SMIM17: variants seen among roughly 807,000 people sequenced by gnomAD.
The protein encoded by SMIM17 is small integral membrane protein 17.
A neutral mutation model predicts 12.2 loss-of-function variants in SMIM17; 10 were observed. The observed-to-expected ratio is 0.82, with a 90% CI of 0.50 to 1.39. The LOEUF (loss-of-function observed/expected upper bound fraction) is 1.39, where lower values mean the gene tolerates loss of function less well. Among genes scored for constraint, SMIM17 ranks in the 40% most tolerant of loss-of-function variants. The pLI, the probability that SMIM17 is intolerant of heterozygous loss-of-function variation, is 0.00. For synonymous variants in SMIM17, 50 were observed against 44.1 expected, an observed-to-expected ratio of 1.13 and a Z score of -0.53; for missense variants, 136 against 118.2, an observed-to-expected ratio of 1.15 and a Z score of -0.70.
At chr19:56,647,501 C>T in intron 2 of SMIM17, 57 bp from the exon 3 acceptor site, 3 of 1,333,698 alleles carry the variant, frequency 2.2e-6, no homozygotes, top group Non-Finnish European at 3.1e-6. Flanking sequence ...GAGCCCACTC[C>T]TGCCATCTGG....
In SMIM17 at chr19:56,656,233, C is replaced by T. The variant is rs891098041; in HGVS notation, c.*1020C>T. On this transcript the variant is annotated 3_prime_UTR_variant, in exon 4 of 4. Transcript: ENST00000598409. ...TGCTGGGATTACAGATGTGAGCCAC[C>T]GTGCCCAGCCCAGAGTTCTTTTATC... 1.3e-5 allele frequency among the ~76,000 whole-genome samples: 2 copies of T among 152,024 alleles called. No homozygotes were observed. The highest frequency in any genetic ancestry group is 2.9e-5 in the Non-Finnish European group (2 of 67,994).
chr19:56,644,032 G>A (rs1600614398), intron 1 of SMIM17, among the ~76,000 whole-genome samples: 1 of 151,882 alleles, frequency 6.6e-6, no homozygotes, highest in African/African-American at 2.4e-5. Context: ...CCATACCTCT[G>A]TCTCATCCCC....
At chr19:56,652,271 G>T (rs2045115189) in intron 3 of SMIM17, among the ~76,000 whole-genome samples, 1 of 152,118 alleles carries the variant, frequency 6.6e-6, no homozygotes, top group South Asian at 2.1e-4. Context: ...GCTGGAGAGG[G>T]GAGGAGAGGG....
At position 56,645,583 on chromosome 19, in the gene SMIM17, T is replaced by C. The variant is rs1036086552; in HGVS notation, c.-85T>C. 1 of 1,306,066 alleles carries C rather than the reference T, an allele frequency of 7.7e-7. No homozygotes were observed. Among genetic ancestry groups the C allele is most frequent in the African/African-American group, 1.5e-5 (1 of 66,444 alleles). 80.9% of individuals were successfully genotyped at this position (1,306,066 alleles called of 1,614,324 possible). A position where few individuals can be genotyped will look rare whatever the true frequency, so the allele number is the denominator to read the frequency against. ...TGTCCATCAGTCCTCAGGTTCTGAA[T>C]CTTGTGCCTGGAGAACCAGAGAGGA... On this transcript the variant is annotated 5_prime_UTR_variant, in exon 2 of 4. Coordinates refer to ENST00000598409, the MANE Select transcript of SMIM17 (RefSeq NM_001193628.2).
intron 3 of SMIM17, among the ~76,000 whole-genome samples, chr19:56,652,945 A>G (rs2045120981): frequency 6.6e-6 from 1 of 152,202 alleles, no homozygotes; most frequent in South Asian, 2.1e-4. Context: ...TAGGTGAGGC[A>G]TCCATGGGTC....
At chr19:56,651,466 T>G (rs1004213624) in intron 3 of SMIM17, among the ~76,000 whole-genome samples, 7 of 152,126 alleles carry the variant, frequency 4.6e-5, no homozygotes, top group Non-Finnish European at 1.0e-4. Flanking sequence ...TCCCAGTCTG[T>G]GGGCACAGAA....
chr19:56,648,057 CCA>C, intron 3 of SMIM17, among the ~76,000 whole-genome samples: 1 of 63,830 alleles, frequency 1.6e-5, no homozygotes, highest in Non-Finnish European at 3.4e-5. Flanking sequence ...CCCATTCCAT[CCA>C]TCCATCCATC....
At chr19:56,648,135 CAT>C (rs2045080346) in intron 3 of SMIM17, among the ~76,000 whole-genome samples, 2 of 6,842 alleles carry the variant, frequency 2.9e-4, no homozygotes, top group African/African-American at 3.8e-3. Context: ...TCCACTTATC[CAT>C]CCATCCATCC....
intron 3 of SMIM17, among the ~76,000 whole-genome samples, chr19:56,651,366 C>T (rs1450343564): frequency 6.6e-6 from 1 of 152,152 alleles, no homozygotes; most frequent in African/African-American, 2.4e-5. Context: ...CTCTCTCTCC[C>T]TGTTCTCCTA....
chr19:56,647,083 G>A (rs1341644038), intron 2 of SMIM17, among the ~76,000 whole-genome samples: 2 of 152,270 alleles, frequency 1.3e-5, no homozygotes, highest in East Asian at 3.9e-4. Context: ...TGACTATGGG[G>A]ACATGTCCCC....
At chr19:56,652,688 A>G (rs2045119183) in intron 3 of SMIM17, among the ~76,000 whole-genome samples, 1 of 151,054 alleles carries the variant, frequency 6.6e-6, no homozygotes, top group Non-Finnish European at 1.5e-5. Context: ...AGAGAGAGAG[A>G]GTTATCCTCC....
intron 2 of SMIM17, among the ~76,000 whole-genome samples, chr19:56,646,899 ACTGT>A (rs1230583087): frequency 1.3e-5 from 2 of 152,174 alleles, no homozygotes; most frequent in Non-Finnish European, 2.9e-5. Context: ...ACTACTAGGC[ACTGT>A]CTTTTTCCTC....
At position 56,645,710 on chromosome 19, in the gene SMIM17, C is replaced by G. The variant is rs1283724171; in HGVS notation, c.43C>G (p.Pro15Ala). 5.9e-6 allele frequency: 9 copies of G among 1,535,438 alleles called. No individual in the cohort carries two copies. The highest frequency in any genetic ancestry group is 7.8e-6 in the Non-Finnish European group (9 of 1,146,728). Residue 15 changes from proline to alanine, a missense_variant, in exon 2 of 4, where the codon CCT (proline) becomes GCT (alanine). Pro to Ala is a conservative substitution (Grantham distance 27, BLOSUM62 -1). Transcript: ENST00000598409. ...TGAGCAGACACGGGGGCTGCTGGAG[C>G]CTGAGAGGACCAAGACTCTGCTGCC... ...RPEQTRGLLE[P>A]ERTKTLLPRE...
In SMIM17 at chr19:56,645,746, C is replaced by T. The variant is rs551503366; in HGVS notation, c.79C>T (p.Arg27Trp). The change falls in exon 2 of 4, where the codon CGG becomes TGG. Residue 27 changes from arginine (R) to tryptophan (W), a missense_variant. Coordinates refer to ENST00000598409, the MANE Select transcript of SMIM17 (RefSeq NM_001193628.2). ...RTKTLLPRESRAWEKPPHPAC... is the reference protein window; with the variant it reads ...RTKTLLPRESWAWEKPPHPAC... ...CAAGACTCTGCTGCCTCGGGAGAGCCGGGCCTGGGAGAAGCCTCCTCATCC... is the reference window on the plus strand; with the variant it reads ...CAAGACTCTGCTGCCTCGGGAGAGCTGGGCCTGGGAGAAGCCTCCTCATCC... 20 of 1,535,844 alleles carry T rather than the reference C, an allele frequency of 1.3e-5. No homozygotes were observed. The highest frequency in any genetic ancestry group is 3.9e-5 in the Admixed American group (2 of 50,980).
chr19:56,645,873 G>A (rs1450194176), intron 2 of SMIM17, 37 bp downstream of exon 2: 1 of 1,500,470 alleles, frequency 6.7e-7, no homozygotes, highest in African/African-American at 1.4e-5. Flanking sequence ...TGAGTGGGTG[G>A]AGAGGAAGGA....
chr19:56,647,440 AGAGAGAGAGAGG>A, intron 2 of SMIM17, 106 bp from the exon 3 acceptor site: 1 of 581,392 alleles, frequency 1.7e-6, no homozygotes, highest in Non-Finnish European at 2.9e-6. Flanking sequence ...AGAGAGAGAG[AGAGAGAGAGAGG>A]AGGCTATTAC....
At position 56,655,357 on chromosome 19, in the gene SMIM17, A is replaced by T. The variant is rs181679256; in HGVS notation, c.*144A>T. The T allele has an allele frequency of 2.2e-5, 11 of 500,162 alleles. No individual in the cohort carries two copies. Among genetic ancestry groups the T allele is most frequent in the African/African-American group, 5.8e-5 (3 of 52,064 alleles). 31.0% of individuals were successfully genotyped at this position (500,162 alleles called of 1,614,324 possible). On this transcript the variant is annotated 3_prime_UTR_variant, in exon 4 of 4. Transcript: ENST00000598409. ...TCAAACATCCTTTGAGATGATTTTT[A>T]AAAAATTTTTGGTGTGAGTTTTCAC...
chr19:56,656,235 T>C lies in SMIM17; in HGVS notation c.*1022T>C, dbSNP rs769383973. On this transcript the variant is annotated 3_prime_UTR_variant, in exon 4 of 4. Coordinates refer to ENST00000598409, the MANE Select transcript of SMIM17 (RefSeq NM_001193628.2). ...CTGGGATTACAGATGTGAGCCACCG[T>C]GCCCAGCCCAGAGTTCTTTTATCCT... Among the ~76,000 whole-genome samples, 74 of 152,252 alleles carry C rather than the reference T, an allele frequency of 4.9e-4. 1 individual carries two copies. Among genetic ancestry groups the C allele is most frequent in the African/African-American group, 1.5e-3 (61 of 41,574 alleles).
chr19:56,643,603 C>A (rs916538903), intron 1 of SMIM17, among the ~76,000 whole-genome samples: 1 of 152,156 alleles, frequency 6.6e-6, no homozygotes, highest in Non-Finnish European at 1.5e-5. Flanking sequence ...GTGTTCAGCG[C>A]ACCTGCCCGA....
Sources: gnomAD v4.1 joint callset for allele counts (sites outside exome capture counted in the v4.1 genomes callset) on GRCh38, gnomAD v4.1.1 for gene constraint, MANE v1.5 for transcripts, NCBI Gene and HGNC (gene_info 2026-07-23, HGNC 2026-07-21) for gene names.